Variants in EPHA6 observed in about 807,000 individuals in gnomAD.
The protein encoded by EPHA6 is EPH receptor A6, also known as ephrin type-A receptor 6.
A neutral mutation model predicts 112.0 loss-of-function variants in EPHA6; 50 were observed. The ratio of observed to expected loss-of-function variants is 0.45; its 90% CI spans 0.36 to 0.56. The LOEUF (loss-of-function observed/expected upper bound fraction) is 0.56. Ranked by LOEUF, EPHA6 falls within the 20% of genes least tolerant of loss-of-function variation. The pLI is 0.00. For missense variants in EPHA6, 1,280 were observed against 1,417.4 expected, an observed-to-expected ratio of 0.90 and a Z score of 1.56; for synonymous variants, 529 against 490.7, an observed-to-expected ratio of 1.08 and a Z score of -1.03.
At chr3:97,692,251 T>C (rs1304417531) in intron 14 of EPHA6, among the ~76,000 whole-genome samples, 1 of 152,218 alleles carries the variant, frequency 6.6e-6, no homozygotes, top group Non-Finnish European at 1.5e-5. Context: ...TTTCTGTTCT[T>C]AATAGGTATG....
intron 11 of EPHA6, among the ~76,000 whole-genome samples, chr3:97,574,456 T>C (rs2093364299): frequency 6.6e-6 from 1 of 152,080 alleles, no homozygotes; most frequent in African/African-American, 2.4e-5. Flanking sequence ...GAAACACATA[T>C]AAGAAAAAGC....
At chr3:97,328,044 C>A (rs12492605) in intron 5 of EPHA6, among the ~76,000 whole-genome samples, 1 of 53,530 alleles carries the variant, frequency 1.9e-5, no homozygotes, top group Non-Finnish European at 3.4e-5. Context: ...TATATACACA[C>A]ATATATACAC....
chr3:96,965,010 A>G (rs1302255813), intron 2 of EPHA6, among the ~76,000 whole-genome samples: 1 of 152,206 alleles, frequency 6.6e-6, no homozygotes, highest in Non-Finnish European at 1.5e-5. Flanking sequence ...AAAAAAATAT[A>G]GACAAGTAAG....
chr3:96,891,689 A>G (rs1254704992), intron 2 of EPHA6, among the ~76,000 whole-genome samples: 2 of 152,216 alleles, frequency 1.3e-5, no homozygotes, highest in Non-Finnish European at 2.9e-5. Flanking sequence ...AGCATGGGCA[A>G]CAAGAGTGGA....
At chr3:97,127,730 AAG>A (rs1350860599) in intron 3 of EPHA6, among the ~76,000 whole-genome samples, 3 of 151,828 alleles carry the variant, frequency 2.0e-5, no homozygotes, top group Admixed American at 2.0e-4. Flanking sequence ...AAAAAAAAAA[AAG>A]AATGAACTTC....
chr3:97,630,976 TCA>T lies in EPHA6; in HGVS notation c.2575-6896_2575-6895del, dbSNP rs200362715. On this transcript the variant is annotated intron_variant, in intron 13 of 17. Coordinates refer to ENST00000389672, the MANE Select transcript of EPHA6 (RefSeq NM_001080448.3). ...CCTGGACTGTCATCCCATCCTAATC[TCA>T]GTTTCCATTTTCTCATTGGCACAAA... Among the ~76,000 whole-genome samples, 512 of 152,094 alleles carry T rather than the reference TCA, an allele frequency of 3.4e-3. 5 individuals are homozygous for T. Among genetic ancestry groups the T allele is most frequent in the Admixed American group, 0.023 (353 of 15,240 alleles).
chr3:97,474,635 A>C (rs1382719988), intron 7 of EPHA6, among the ~76,000 whole-genome samples: 1 of 152,014 alleles, frequency 6.6e-6, no homozygotes, highest in Non-Finnish European at 1.5e-5. Context: ...TAATAAATTA[A>C]TTTAAATGAT....
intron 10 of EPHA6, among the ~76,000 whole-genome samples, chr3:97,498,350 ATGGAGTCTGTCCC>A (rs2092033041): frequency 6.8e-6 from 1 of 147,680 alleles, no homozygotes; most frequent in African/African-American, 2.6e-5. Context: ...AAAAAAAAAA[ATGGAGTCTGTCCC>A]AAAGCAGGCA....
intron 2 of EPHA6, among the ~76,000 whole-genome samples, chr3:96,980,958 G>T (rs1211215424): frequency 5.3e-5 from 8 of 152,118 alleles, no homozygotes; most frequent in African/African-American, 1.7e-4. Flanking sequence ...GGGCTGAGAC[G>T]ATGGGGTTTT....
rs554898856 is a variant in EPHA6, at chr3:97,503,137, A to C, written c.2200+19078A>C. Among the ~76,000 whole-genome samples, 6 of 152,222 alleles carry C rather than the reference A, an allele frequency of 3.9e-5. No homozygotes were observed. The South Asian group carries it at 1.2e-3, about 32-fold the overall frequency. ...AATAAATGTAAAAATTAGATAAAAGAGACAAGTTTTTGGAAAATTATATAT... is the reference window on the plus strand; with the variant it reads ...AATAAATGTAAAAATTAGATAAAAGCGACAAGTTTTTGGAAAATTATATAT... On this transcript the variant is annotated intron_variant, in intron 10 of 17. Coordinates refer to ENST00000389672, the MANE Select transcript of EPHA6 (RefSeq NM_001080448.3).
intron 2 of EPHA6, among the ~76,000 whole-genome samples, chr3:96,944,993 G>T (rs1022301081): frequency 2.6e-5 from 4 of 152,038 alleles, no homozygotes; most frequent in African/African-American, 9.7e-5. Flanking sequence ...CCCCACCTCG[G>T]TCTGTGTTTC....
intron 3 of EPHA6, among the ~76,000 whole-genome samples, chr3:97,123,809 G>A (rs979725497): frequency 5.9e-5 from 9 of 152,074 alleles, no homozygotes; most frequent in African/African-American, 2.2e-4. Flanking sequence ...CAGCCATAGT[G>A]ATGTACTTCT....
rs969505587 is a variant in EPHA6 at position 97,749,186 on chromosome 3, A to T, written c.*485A>T. 3 of 224,092 alleles carry T rather than the reference A, an allele frequency of 1.3e-5. No homozygotes were observed. Among genetic ancestry groups the T allele is most frequent in the African/African-American group, 6.7e-5 (3 of 44,870 alleles). The allele number at this position is 224,092 out of a possible 1,614,324, so 13.9% of individuals were successfully genotyped here. On this transcript the variant is annotated 3_prime_UTR_variant, in exon 18 of 18. Transcript: ENST00000389672. ...GCTCTATTGGTTGTATTATTACTTTATTTTTTAATACTTTAACTGTTGGTG... is the reference window on the plus strand; with the variant it reads ...GCTCTATTGGTTGTATTATTACTTTTTTTTTTAATACTTTAACTGTTGGTG...
chr3:97,456,298 G>A (rs1307691256), intron 7 of EPHA6, among the ~76,000 whole-genome samples: 2 of 151,816 alleles, frequency 1.3e-5, no homozygotes, highest in Non-Finnish European at 2.9e-5. Context: ...TGTTCTCTTA[G>A]CAAATTTGAG....
intron 3 of EPHA6, among the ~76,000 whole-genome samples, chr3:97,185,825 A>C (rs111386294): frequency 0.011 from 1,729 of 152,242 alleles, 23 homozygotes; most frequent in African/African-American, 0.038. Flanking sequence ...AATGTCCAAC[A>C]ATGATAGACT....
At chr3:97,743,079 C>A (rs943824513) in intron 16 of EPHA6, among the ~76,000 whole-genome samples, 2 of 152,036 alleles carry the variant, frequency 1.3e-5, no homozygotes, top group Non-Finnish European at 2.9e-5. Context: ...ACTCTGAAAC[C>A]TATAAAGACA....
At chr3:97,541,729 T>G (rs1005369225) in intron 11 of EPHA6, among the ~76,000 whole-genome samples, 13 of 84,302 alleles carry the variant, frequency 1.5e-4, no homozygotes, top group African/African-American at 8.2e-4. Flanking sequence ...TTTTTTTTGT[T>G]TTTTTTTTTT....
intron 5 of EPHA6, among the ~76,000 whole-genome samples, chr3:97,397,625 A>T (rs116272119): frequency 0.023 from 3,525 of 151,688 alleles, 57 homozygotes; most frequent in South Asian, 0.056. Context: ...GTTCTTACAT[A>T]GTATGTCTCA....
chr3:96,873,265 G>GAA (rs879807194), intron 2 of EPHA6, among the ~76,000 whole-genome samples: 3 of 140,374 alleles, frequency 2.1e-5, no homozygotes, highest in Non-Finnish European at 4.7e-5. Context: ...TTTCATCTCA[G>GAA]AAAAAAAAAA....
Sources: allele counts gnomAD v4.1 joint callset (sites outside exome capture counted in the v4.1 genomes callset), GRCh38; gene constraint gnomAD v4.1.1; transcripts MANE v1.5; gene names NCBI Gene and HGNC (gene_info 2026-07-23, HGNC 2026-07-21).